STARD13: variants seen among roughly 807,000 people sequenced by gnomAD.
STARD13 encodes the protein StAR related lipid transfer domain containing 13, also known as stAR-related lipid transfer protein 13.
A neutral mutation model predicts 106.4 loss-of-function variants in STARD13; 62 were observed. The observed-to-expected ratio is 0.58, with a 90% CI of 0.48 to 0.72. The LOEUF is 0.72. STARD13 is among the 30% of genes least tolerant of loss of function. The pLI, the probability that STARD13 is intolerant of heterozygous loss-of-function variation, is 0.00. For synonymous variants in STARD13, 565 were observed against 553.0 expected (o/e 1.02, Z -0.31); for missense variants, 1,387 against 1,424.0 (o/e 0.97, Z 0.42).
At chr13:33,376,763 G>C in the STARD13 span, among the ~76,000 whole-genome samples, 1 of 152,234 alleles carries the variant, frequency 6.6e-6, no homozygotes, top group Non-Finnish European at 1.5e-5. Flanking sequence ...ACCTTGGGCA[G>C]TGCCTAGGCT....
chr13:33,464,020 A>ATAC, the STARD13 span, among the ~76,000 whole-genome samples: 1 of 78,216 alleles, frequency 1.3e-5, no homozygotes. Context: ...TCAAAAAAAA[A>ATAC]ATACATATAT....
At chr13:33,662,000 T>C in the STARD13 span, among the ~76,000 whole-genome samples, 12 of 152,070 alleles carry the variant, frequency 7.9e-5, no homozygotes, top group African/African-American at 1.4e-4. Flanking sequence ...CGGTGGCTCA[T>C]GCCTGTAATC....
intron 1 of STARD13, among the ~76,000 whole-genome samples, chr13:33,258,239 C>T (rs1477607941): frequency 2.6e-5 from 4 of 152,064 alleles, no homozygotes; most frequent in African/African-American, 9.7e-5. Flanking sequence ...TTTTATCTGG[C>T]GTAGTTAAAG....
the STARD13 span, among the ~76,000 whole-genome samples, chr13:33,487,000 C>T: frequency 6.6e-6 from 1 of 152,156 alleles, no homozygotes; most frequent in Non-Finnish European, 1.5e-5. Flanking sequence ...CCTGGAATAA[C>T]CATTTATTAT....
At chr13:33,342,534 T>C (rs1300703177) in intron 1 of STARD13, among the ~76,000 whole-genome samples, 3 of 138,720 alleles carry the variant, frequency 2.2e-5, no homozygotes, top group African/African-American at 8.7e-5. Flanking sequence ...TTATAGTTTG[T>C]TTTTTTTTTT....
the STARD13 span, among the ~76,000 whole-genome samples, chr13:33,587,280 T>C: frequency 1.3e-5 from 2 of 151,866 alleles, no homozygotes; most frequent in African/African-American, 4.8e-5. Flanking sequence ...TCTTGCAACA[T>C]TGGAGTCTTC....
At chr13:33,640,506 AC>A in the STARD13 span, among the ~76,000 whole-genome samples, 51 of 152,214 alleles carry the variant, frequency 3.4e-4, no homozygotes, top group East Asian at 3.9e-4. Flanking sequence ...CTGAAAACAT[AC>A]CACCTCCTTC....
the STARD13 span, among the ~76,000 whole-genome samples, chr13:33,449,221 G>A: frequency 6.6e-6 from 1 of 152,164 alleles, no homozygotes; most frequent in East Asian, 1.9e-4. Context: ...TCTTTTAGCA[G>A]TTTTGTAGTT....
At chr13:33,159,320 C>T (rs1188687615) in intron 3 of STARD13, among the ~76,000 whole-genome samples, 1 of 152,158 alleles carries the variant, frequency 6.6e-6, no homozygotes, top group Non-Finnish European at 1.5e-5. Flanking sequence ...TTGCTCATCC[C>T]TATGATATGT....
chr13:33,657,276 A>C, the STARD13 span, among the ~76,000 whole-genome samples: 7 of 8,092 alleles, frequency 8.7e-4, no homozygotes, highest in African/African-American at 1.7e-3. Context: ...TCAAACAAAC[A>C]AACAAAGAAA....
At chr13:33,380,037 C>T in the STARD13 span, among the ~76,000 whole-genome samples, 4 of 152,138 alleles carry the variant, frequency 2.6e-5, no homozygotes, top group African/African-American at 9.7e-5. Context: ...GCATGCAAGA[C>T]AGAGAAGAGT....
intron 1 of STARD13, chr13:33,186,120 C>G: frequency 7.0e-7 from 1 of 1,426,102 alleles, no homozygotes; most frequent in Non-Finnish European, 9.4e-7. Flanking sequence ...TCCCCAGTGA[C>G]CTGCGAAGCC....
chr13:33,527,125 G>C, the STARD13 span, among the ~76,000 whole-genome samples: 1 of 151,782 alleles, frequency 6.6e-6, no homozygotes, highest in Non-Finnish European at 1.5e-5. Context: ...TAGTTTTAAG[G>C]GTTTAATTTA....
intron 4 of STARD13, among the ~76,000 whole-genome samples, chr13:33,137,520 A>T (rs1210234115): frequency 1.3e-5 from 2 of 152,216 alleles, no homozygotes; most frequent in East Asian, 3.9e-4. Flanking sequence ...CAGGGAAAAA[A>T]GCTAGGTTCA....
the STARD13 span, among the ~76,000 whole-genome samples, chr13:33,484,162 T>G: frequency 1.3e-5 from 2 of 152,190 alleles, no homozygotes; most frequent in African/African-American, 4.8e-5. Context: ...TGGTCATTCC[T>G]GGATGTGGGC....
the STARD13 span, among the ~76,000 whole-genome samples, chr13:33,419,414 A>G: frequency 6.6e-6 from 1 of 152,332 alleles, no homozygotes; most frequent in East Asian, 1.9e-4. Context: ...ACAAGTTTAG[A>G]TTAAAAAAAG....
chr13:33,407,393 G>A, the STARD13 span, among the ~76,000 whole-genome samples: 44 of 152,242 alleles, frequency 2.9e-4, no homozygotes, highest in African/African-American at 9.9e-4. Context: ...AAAGCGCTTC[G>A]GGTACCACAA....
the STARD13 span, among the ~76,000 whole-genome samples, chr13:33,430,965 A>G: frequency 6.6e-6 from 1 of 152,212 alleles, no homozygotes; most frequent in Non-Finnish European, 1.5e-5. Flanking sequence ...ACAAATATAG[A>G]GTCAGATAGA....
At chr13:33,616,102 T>G in the STARD13 span, among the ~76,000 whole-genome samples, 1 of 151,346 alleles carries the variant, frequency 6.6e-6, no homozygotes, top group Non-Finnish European at 1.5e-5. Flanking sequence ...AGAATTAGAT[T>G]TGCTTAAAAA....
Sources: gnomAD v4.1 joint callset for allele counts (sites outside exome capture counted in the v4.1 genomes callset) on GRCh38, gnomAD v4.1.1 for gene constraint, MANE v1.5 for transcripts, NCBI Gene and HGNC (gene_info 2026-07-23, HGNC 2026-07-21) for gene names.